The following FGF12 variants were observed in gnomAD, a reference collection of about 807,000 sequenced individuals.
FGF12 encodes the protein fibroblast growth factor 12, also known as fibroblast growth factor 12B.
A neutral mutation model predicts 23.6 loss-of-function variants in FGF12; 14 were observed. That is an observed-to-expected ratio of 0.59 (90% confidence interval 0.39 to 0.93). The LOEUF (loss-of-function observed/expected upper bound fraction) is 0.93, where lower values mean the gene tolerates loss of function less well. Ranked by LOEUF, FGF12 falls within the 40% of genes least tolerant of loss-of-function variation. FGF12 has a pLI of 0.00. For missense variants in FGF12, 175 were observed against 217.8 expected (o/e 0.80, Z 1.24); for synonymous variants, 62 against 77.3 (o/e 0.80, Z 1.04).
At chr3:192,429,533 CT>C (rs1432801013) in intron 2 of FGF12, among the ~76,000 whole-genome samples, 2 of 152,132 alleles carry the variant, frequency 1.3e-5, no homozygotes, top group Admixed American at 1.3e-4. Context: ...AATCTCTCTG[CT>C]TTCTACATGC....
chr3:192,283,939 A>G (rs1391122878), intron 4 of FGF12, among the ~76,000 whole-genome samples: 2 of 152,080 alleles, frequency 1.3e-5, no homozygotes, highest in East Asian at 1.9e-4. Context: ...CTGCTCTACC[A>G]GAGAAATTCC....
chr3:192,690,585 A>C (rs1321136048), intron 2 of FGF12, among the ~76,000 whole-genome samples: 2 of 96,342 alleles, frequency 2.1e-5, no homozygotes, highest in Non-Finnish European at 4.3e-5. Flanking sequence ...CCACAACACT[A>C]CAAAAAAAAA....
intron 4 of FGF12, among the ~76,000 whole-genome samples, chr3:192,224,184 G>A (rs77608878): frequency 0.02 from 3,058 of 152,244 alleles, 92 homozygotes; most frequent in African/African-American, 0.069. Flanking sequence ...TTTGCAAGGT[G>A]CAGAGCACTC....
chr3:192,513,056 T>A (rs1158888964), intron 2 of FGF12, among the ~76,000 whole-genome samples: 1 of 151,700 alleles, frequency 6.6e-6, no homozygotes, highest in Non-Finnish European at 1.5e-5. Flanking sequence ...GTAAACTGAA[T>A]ATCTTTCCTA....
chr3:192,251,389 A>T (rs1019458713), intron 4 of FGF12, among the ~76,000 whole-genome samples: 2 of 152,190 alleles, frequency 1.3e-5, no homozygotes, highest in Non-Finnish European at 2.9e-5. Flanking sequence ...TGGCTATAAC[A>T]GGTGTATCAG....
At chr3:192,327,548 C>G (rs749369404) in intron 4 of FGF12, among the ~76,000 whole-genome samples, 5 of 142,392 alleles carry the variant, frequency 3.5e-5, no homozygotes, top group Non-Finnish European at 7.7e-5. Context: ...AACAAATCAT[C>G]GCTATAGTTT....
At chr3:192,597,706 G>A (rs1369784582) in intron 2 of FGF12, among the ~76,000 whole-genome samples, 1 of 152,220 alleles carries the variant, frequency 6.6e-6, no homozygotes, top group African/African-American at 2.4e-5. Flanking sequence ...CCAGACACAG[G>A]CAGATTTCAT....
intron 2 of FGF12, among the ~76,000 whole-genome samples, chr3:192,497,091 C>T (rs1723980386): frequency 6.6e-6 from 1 of 152,174 alleles, no homozygotes; most frequent in Admixed American, 6.6e-5. Flanking sequence ...AATGTCTCTT[C>T]TCTACTCCAT....
rs145752648 is a variant in FGF12 at position 192,655,231 on chromosome 3, T to A, written c.13+71950A>T. Among the ~76,000 whole-genome samples the A allele has an allele frequency of 9.6e-4, 146 of 152,326 alleles. 3 individuals are homozygous for A. The East Asian group carries it at 0.022, about 23-fold the overall frequency. On this transcript the variant is annotated intron_variant, in intron 2 of 5. Coordinates refer to ENST00000445105, the MANE Select transcript of FGF12 (RefSeq NM_004113.6). Reference sequence around the variant, plus strand: ...CCTTATTAACACAATCTCTGTATTGTTGATAGCAACAATGTGCCCAGCTAC... The same window carrying A: ...CCTTATTAACACAATCTCTGTATTGATGATAGCAACAATGTGCCCAGCTAC...
chr3:192,589,560 T>C (rs1190967528), intron 2 of FGF12, among the ~76,000 whole-genome samples: 1 of 151,806 alleles, frequency 6.6e-6, no homozygotes, highest in South Asian at 2.1e-4. Context: ...AACTTATTTC[T>C]AGGCTTAAAT....
At chr3:192,451,621 T>G (rs1370342754) in intron 2 of FGF12, among the ~76,000 whole-genome samples, 1 of 152,190 alleles carries the variant, frequency 6.6e-6, no homozygotes, top group Non-Finnish European at 1.5e-5. Context: ...GTTAAAAAAC[T>G]ACTAAAAGTC....
Position 192,409,617 on chromosome 3 carries a change from C to T in FGF12, c.14-49079G>A, listed in dbSNP as rs939964532. On this transcript the variant is annotated intron_variant, in intron 2 of 5. Transcript: ENST00000445105. The surrounding 1 kb of genome is among the most constrained non-coding windows in gnomAD (Gnocchi z 4.8). ...GGAAGTGACCCGCGCGCTGCGAATA[C>T]CCGCGCGTCCGCTCGGGTGGGGCGG... 6.6e-6 allele frequency among the ~76,000 whole-genome samples: 1 copy of T among 152,150 alleles called. No homozygotes were observed. Among genetic ancestry groups the T allele is most frequent in the Non-Finnish European group, 1.5e-5 (1 of 68,010 alleles).
chr3:192,479,346 A>C (rs989811993), intron 2 of FGF12, among the ~76,000 whole-genome samples: 50 of 152,308 alleles, frequency 3.3e-4, no homozygotes, highest in African/African-American at 1.1e-3. Context: ...CCACCTGTCC[A>C]AAGTCCCAGG....
chr3:192,450,483 C>A (rs1434533767), intron 2 of FGF12, among the ~76,000 whole-genome samples: 1 of 152,172 alleles, frequency 6.6e-6, no homozygotes, highest in African/African-American at 2.4e-5. Flanking sequence ...TAAAACTCAA[C>A]ACAGGATACT....
chr3:192,515,841 T>TTC (rs1243814677), intron 2 of FGF12, among the ~76,000 whole-genome samples: 4 of 151,396 alleles, frequency 2.6e-5, no homozygotes, highest in South Asian at 2.1e-4. Flanking sequence ...ACTCTTTTTT[T>TTC]TTTTCTTTTC....
chr3:192,531,253 A>T (rs990661173), intron 2 of FGF12, among the ~76,000 whole-genome samples: 2 of 152,196 alleles, frequency 1.3e-5, no homozygotes, highest in African/African-American at 4.8e-5. Flanking sequence ...GATTATGATC[A>T]GTTTGGTTGT....
At chr3:192,655,973 G>A (rs1213080398) in intron 2 of FGF12, among the ~76,000 whole-genome samples, 4 of 141,498 alleles carry the variant, frequency 2.8e-5, no homozygotes, top group Admixed American at 7.6e-5. Flanking sequence ...TAGCACTCCA[G>A]ACACATGGGC....
intron 2 of FGF12, among the ~76,000 whole-genome samples, chr3:192,686,597 T>C (rs1010424143): frequency 6.6e-6 from 1 of 152,078 alleles, no homozygotes; most frequent in Admixed American, 6.5e-5. Flanking sequence ...AGTATTTCCT[T>C]GACTCAGGTA....
rs1223374707 is a variant in FGF12, at chr3:192,345,612, G to A, written c.125-10148C>T. ...TGAGGCAGGGGAATGGCGTGAACCC[G>A]GGAGGCGGAGCTTGCAGTGAGCCGA... is the stretch of plus-strand genomic sequence containing the variant. On this transcript the variant is annotated intron_variant, in intron 3 of 5. Transcript: ENST00000445105. Among the ~76,000 whole-genome samples the A allele has an allele frequency of 4.3e-5, 2 of 46,578 alleles. 1 individual carries two copies. Among genetic ancestry groups the A allele is most frequent in the Non-Finnish European group, 6.5e-5 (2 of 30,896 alleles). 30.6% of individuals were successfully genotyped at this position (46,578 alleles called of 152,430 possible). A position where few individuals can be genotyped will look rare whatever the true frequency, so the allele number is the denominator to read the frequency against.
Sources: allele counts gnomAD v4.1 joint callset (sites outside exome capture counted in the v4.1 genomes callset), GRCh38; gene constraint gnomAD v4.1.1; non-coding constraint Gnocchi (gnomAD v3.1); transcripts MANE v1.5; gene names NCBI Gene and HGNC (gene_info 2026-07-23, HGNC 2026-07-21).